CDKN2A: variants seen among roughly 807,000 people sequenced by gnomAD.
CDKN2A encodes the protein cyclin-dependent kinase inhibitor 2A.
A neutral mutation model predicts 11.1 loss-of-function variants in CDKN2A; 3 were observed. The observed-to-expected ratio is 0.27, with a 90% CI of 0.12 to 0.70. The LOEUF is 0.70. Ranked by LOEUF, CDKN2A falls within the 30% of genes least tolerant of loss-of-function variation. CDKN2A has a pLI of 0.77. For synonymous variants in CDKN2A, 122 were observed against 108.1 expected (o/e 1.13, Z -0.80); for missense variants, 265 against 233.6 (o/e 1.13, Z -0.88).
intron 1 of CDKN2A, chr9:21,994,567 T>A: frequency 9.9e-7 from 1 of 1,007,876 alleles, no homozygotes; most frequent in Non-Finnish European, 1.3e-6. Context: ...TCGGAACGGC[T>A]CTGAGCCCTG....
At chr9:21,985,200 T>C (rs1051275681) in intron 2 of CDKN2A, among the ~76,000 whole-genome samples, 1 of 151,976 alleles carries the variant, frequency 6.6e-6, no homozygotes, top group Admixed American at 6.5e-5. Flanking sequence ...TAATTAATTT[T>C]TCAAAAAGGC....
rs772223866 is a variant in CDKN2A, at chr9:21,968,186, T to A, written c.*43A>T. The A allele has an allele frequency of 6.3e-7, 1 of 1,591,796 alleles. No homozygotes were observed. The highest frequency in any genetic ancestry group is 2.2e-5 in the East Asian group (1 of 44,742). ...GCCCTGTAGGACCTTCGGTGACTGATGATCTAAGTTTCCCGAGGTTTCTCA... is the reference window on the plus strand; with the variant it reads ...GCCCTGTAGGACCTTCGGTGACTGAAGATCTAAGTTTCCCGAGGTTTCTCA... On this transcript the variant is annotated 3_prime_UTR_variant, in exon 3 of 3. Transcript: ENST00000304494. This position sits in a 1 kb window ranked among gnomAD's most constrained non-coding sequence, Gnocchi z 4.7.
At position 21,971,481 on chromosome 9, in the gene CDKN2A, G is replaced by A. The variant is rs1036072799; in HGVS notation, c.151-273C>T. ...GCACGGGCAAAATAGCAAAGGGGCA[G>A]GGACAGACTGACTTTTACTCCAGGC... is the stretch of plus-strand genomic sequence containing the variant. On this transcript the variant is annotated intron_variant, in intron 1 of 2. Transcript: ENST00000304494. 10 of 755,504 alleles carry A rather than the reference G, an allele frequency of 1.3e-5. 1 individual carries two copies. The South Asian group carries it at 2.2e-4, about 17-fold the overall frequency. The allele number at this position is 755,504 out of a possible 1,614,324, so 46.8% of individuals were successfully genotyped here.
rs564137656 is a variant in CDKN2A, at chr9:21,974,321, T to C, written c.150+357A>G. On this transcript the variant is annotated intron_variant, in intron 1 of 2. Coordinates refer to ENST00000304494, the MANE Select transcript of CDKN2A (RefSeq NM_000077.5). The surrounding 1 kb of genome is among the most constrained non-coding windows in gnomAD (Gnocchi z 5.2). Reference sequence around the variant, plus strand: ...AGGTATCTGTGAATTGGAGGCTAAGTAGTCCCAGCACATCTTACATTTCTT... The same window carrying C: ...AGGTATCTGTGAATTGGAGGCTAAGCAGTCCCAGCACATCTTACATTTCTT... 1.7e-6 allele frequency: 2 copies of C among 1,149,300 alleles called. No individual in the cohort carries two copies. Among genetic ancestry groups the C allele is most frequent in the East Asian group, 3.2e-5 (1 of 31,020 alleles). The allele number at this position is 1,149,300 out of a possible 1,614,324, so 71.2% of individuals were successfully genotyped here. A position where few individuals can be genotyped will look rare whatever the true frequency, so the allele number is the denominator to read the frequency against.
At chr9:21,987,423 A>ACACACACG (rs1820325578) in intron 2 of CDKN2A, among the ~76,000 whole-genome samples, 2 of 121,584 alleles carry the variant, frequency 1.6e-5, no homozygotes, top group Admixed American at 1.6e-4. Flanking sequence ...ACACACACAC[A>ACACACACG]CACACACACA....
At chr9:21,975,198 C>T, upstream of CDKN2A, 1 of 1,091,164 alleles carries the variant, frequency 9.2e-7, no homozygotes. Context: ...ACACCGCCCT[C>T]CGGCCTCCCT....
In CDKN2A at chr9:21,971,025, G is replaced by C. The variant is rs876660436; in HGVS notation, c.334C>G (p.Arg112Gly). ...ARLDVRDAWG[R>G]LPVDLAEELG... ...TCCTCAGCCAGGTCCACGGGCAGAC[G>C]GCCCCAGGCATCGCGCACGTCCAGC... Residue 112 changes from arginine to glycine, a missense_variant, in exon 2 of 3, where the codon CGT (arginine) becomes GGT (glycine). Physicochemically the swap from Arg to Gly is moderately radical, Grantham distance 125 (BLOSUM62 -2). Transcript: ENST00000304494. 1.2e-6 allele frequency: 2 copies of C among 1,606,930 alleles called. No homozygotes were observed. Among genetic ancestry groups the C allele is most frequent in the Non-Finnish European group, 1.7e-6 (2 of 1,179,548 alleles).
At chr9:21,986,820 C>T (rs1820308889) in intron 2 of CDKN2A, among the ~76,000 whole-genome samples, 2 of 151,954 alleles carry the variant, frequency 1.3e-5, no homozygotes, top group South Asian at 2.1e-4. Context: ...ATGTAAATTG[C>T]ATGGAGTAAA....
intron 1 of CDKN2A, among the ~76,000 whole-genome samples, chr9:21,972,048 C>A (rs768121157): frequency 4.2e-4 from 64 of 150,848 alleles, no homozygotes; most frequent in Non-Finnish European, 7.4e-4. Context: ...CCATTCTACT[C>A]TTTACTGCTA....
intron 2 of CDKN2A, 38 bp downstream of exon 2, chr9:21,970,864 G>A (rs1317824841): frequency 6.2e-7 from 1 of 1,603,166 alleles, no homozygotes; most frequent in Non-Finnish European, 8.5e-7. Context: ...AGCTTTGGAA[G>A]CTCTCAGGGT....
At chr9:21,975,543 G>T (rs767446851), upstream of CDKN2A, among the ~76,000 whole-genome samples, 1 of 152,026 alleles carries the variant, frequency 6.6e-6, no homozygotes, top group Non-Finnish European at 1.5e-5. Context: ...ATTCCTTTTG[G>T]AGAGTCGGAC....
Position 21,988,487 on chromosome 9 carries a change from T to C in CDKN2A, c.-4+5395A>G, listed in dbSNP as rs1035570097. Among the ~76,000 whole-genome samples, 21 of 152,134 alleles carry C rather than the reference T, an allele frequency of 1.4e-4. No homozygotes were observed. Among genetic ancestry groups the C allele is most frequent in the African/African-American group, 4.3e-4 (18 of 41,416 alleles). On this transcript the variant is annotated intron_variant, in intron 2 of 3. Coordinates refer to the CDKN2A transcript ENST00000494262. This position sits in a 1 kb window ranked among gnomAD's most constrained non-coding sequence, Gnocchi z 4.1. ...ATCATTCCAGGGCTCATGAATTAAA[T>C]GAATGCACTGAGAGACACTGACAAG...
chr9:21,985,226 T>C (rs895182295), intron 2 of CDKN2A, among the ~76,000 whole-genome samples: 1 of 152,000 alleles, frequency 6.6e-6, no homozygotes, highest in Non-Finnish European at 1.5e-5. Flanking sequence ...TAACAGAATA[T>C]ACTGTATGTT....
At position 21,988,683 on chromosome 9, in the gene CDKN2A, G is replaced by A. The variant is rs1037670658; in HGVS notation, c.-4+5199C>T. Among the ~76,000 whole-genome samples, 1 of 151,930 alleles carries A rather than the reference G, an allele frequency of 6.6e-6. No homozygotes were observed. Among genetic ancestry groups the A allele is most frequent in the Non-Finnish European group, 1.5e-5 (1 of 67,988 alleles). ...CACTACTTGAGTGACAGATTCAGTC[G>A]TACTCGAAACCTCAGCATGGTGCAA... is the stretch of plus-strand genomic sequence containing the variant. On this transcript the variant is annotated intron_variant, in intron 2 of 3. Coordinates refer to the CDKN2A transcript ENST00000494262. This position sits in a 1 kb window ranked among gnomAD's most constrained non-coding sequence, Gnocchi z 4.1.
At chr9:21,971,229 G>A (rs2131096999) in intron 1 of CDKN2A, 21 bp from the exon 2 acceptor site, 2 of 1,593,048 alleles carry the variant, frequency 1.3e-6, no homozygotes, top group East Asian at 2.3e-5. Context: ...GAACAGAATG[G>A]TCAGAGCCAG....
At chr9:21,980,829 G>A (rs1044349285) in intron 2 of CDKN2A, among the ~76,000 whole-genome samples, 3 of 149,864 alleles carry the variant, frequency 2.0e-5, no homozygotes, top group Non-Finnish European at 4.4e-5. Flanking sequence ...CGAGGTGGCG[G>A]GCACCTGTAG....
In CDKN2A at chr9:21,990,611, TGAGAGAGAGA is replaced by T. The variant is rs60431211; in HGVS notation, c.-4+3261_-4+3270del. Among the ~76,000 whole-genome samples, 241 of 89,744 alleles carry T rather than the reference TGAGAGAGAGA, an allele frequency of 2.7e-3. 3 individuals carry two copies. Among genetic ancestry groups the T allele is most frequent in the African/African-American group, 6.4e-3 (169 of 26,272 alleles). 58.9% of individuals were successfully genotyped at this position (89,744 alleles called of 152,430 possible). ...GCGGAAACCATTATAACTAATTTGG[TGAGAGAGAGA>T]GAGAGAGAGAGAGAGAGAGAGAGAG... On this transcript the variant is annotated intron_variant, in intron 2 of 3. Coordinates refer to the CDKN2A transcript ENST00000494262.
At chr9:21,986,369 T>A (rs935337504) in intron 2 of CDKN2A, among the ~76,000 whole-genome samples, 7 of 152,014 alleles carry the variant, frequency 4.6e-5, no homozygotes, top group African/African-American at 9.7e-5. Flanking sequence ...GATGTTAACC[T>A]CCTTTCAACC....
chr9:21,994,825 A>C (rs534615105), exon 1 of CDKN2A: 6 of 166,884 alleles, frequency 3.6e-5, no homozygotes, highest in Admixed American at 2.6e-4. Flanking sequence ...CCCTACCAGG[A>C]ACAGCCGCGC....
Sources: gnomAD v4.1 joint callset for allele counts (sites outside exome capture counted in the v4.1 genomes callset) on GRCh38, gnomAD v4.1.1 for gene constraint, Gnocchi (gnomAD v3.1) non-coding constraint, MANE v1.5 for transcripts, NCBI Gene and HGNC (gene_info 2026-07-23, HGNC 2026-07-21) for gene names.